Variants in DIS3L2 observed in about 807,000 individuals in gnomAD.
DIS3L2 encodes the protein DIS3 like 3'-5' exoribonuclease 2.
In DIS3L2, 34 loss-of-function variants were observed where a neutral mutation model predicts 97.5. The ratio of observed to expected loss-of-function variants is 0.35; its 90% CI spans 0.27 to 0.46. The LOEUF is 0.46. DIS3L2 is among the 20% of genes least tolerant of loss of function. The pLI is 1.00. For missense variants in DIS3L2, 1,038 were observed against 1,146.0 expected, an observed-to-expected ratio of 0.91 and a Z score of 1.36; for synonymous variants, 435 against 445.2, an observed-to-expected ratio of 0.98 and a Z score of 0.29.
chr2:232,110,415 T>C (rs1185837377), intron 6 of DIS3L2, among the ~76,000 whole-genome samples: 1 of 152,192 alleles, frequency 6.6e-6, no homozygotes, highest in Admixed American at 6.5e-5. Flanking sequence ...GGAGCACTAT[T>C]CACAATAGCA....
At chr2:232,167,922 A>G (rs1294051671) in intron 9 of DIS3L2, among the ~76,000 whole-genome samples, 1 of 152,010 alleles carries the variant, frequency 6.6e-6, no homozygotes, top group Admixed American at 6.6e-5. Flanking sequence ...GGTGGCAGCC[A>G]CCTGTAATCC....
At chr2:232,297,348 AG>A (rs1694747452) in intron 13 of DIS3L2, among the ~76,000 whole-genome samples, 1 of 152,208 alleles carries the variant, frequency 6.6e-6, no homozygotes, top group Non-Finnish European at 1.5e-5. Flanking sequence ...CCAGTGGCTA[AG>A]TCCTCTCTGA....
intron 1 of DIS3L2, among the ~76,000 whole-genome samples, chr2:232,008,680 G>A (rs1040541129): frequency 5.9e-5 from 9 of 152,152 alleles, no homozygotes; most frequent in Non-Finnish European, 8.8e-5. Context: ...CTAGGGTGCT[G>A]GGGAGTTCCC....
At chr2:232,000,085 A>T (rs1693835338) in intron 1 of DIS3L2, among the ~76,000 whole-genome samples, 1 of 152,192 alleles carries the variant, frequency 6.6e-6, no homozygotes, top group Non-Finnish European at 1.5e-5. Context: ...ATGGCAAGAC[A>T]TTTGCATATA....
rs766253642 is a variant in DIS3L2, at chr2:232,048,624, C to T, written c.366+18544C>T. ...GGGTGCGCCTGTAGTCCCAGCTACT[C>T]GGGAGGCTGAGACAGAAGAATGGCG... On this transcript the variant is annotated intron_variant, in intron 5 of 20. Transcript: ENST00000325385. Among the ~76,000 whole-genome samples, 13 of 151,366 alleles carry T rather than the reference C, an allele frequency of 8.6e-5. No individual in the cohort carries two copies. The East Asian group carries it at 9.6e-4, about 11-fold the overall frequency.
intron 14 of DIS3L2, among the ~76,000 whole-genome samples, chr2:232,323,816 G>T (rs1290288447): frequency 6.6e-6 from 1 of 152,080 alleles, no homozygotes; most frequent in Non-Finnish European, 1.5e-5. Context: ...GTGGGTGGGG[G>T]TCCATCAGTC....
intron 14 of DIS3L2, among the ~76,000 whole-genome samples, chr2:232,318,129 C>T (rs1441589161): frequency 2.2e-5 from 3 of 134,042 alleles, no homozygotes; most frequent in African/African-American, 4.0e-5. Context: ...CAGGCCTCCA[C>T]AGAGGCCAGA....
intron 9 of DIS3L2, among the ~76,000 whole-genome samples, chr2:232,182,208 A>G (rs1691303166): frequency 6.6e-6 from 1 of 152,154 alleles, no homozygotes; most frequent in South Asian, 2.1e-4. Context: ...ATTTAGGAGT[A>G]GGTTGTTTAA....
intron 9 of DIS3L2, among the ~76,000 whole-genome samples, chr2:232,166,338 A>ACG (rs199685655): frequency 0.014 from 2,142 of 152,112 alleles, 50 homozygotes; most frequent in African/African-American, 0.044. Flanking sequence ...ACACACACAC[A>ACG]CGCGTGCGCG....
intron 1 of DIS3L2, among the ~76,000 whole-genome samples, chr2:231,992,624 T>G (rs183669371): frequency 6.1e-4 from 93 of 152,264 alleles, no homozygotes; most frequent in South Asian, 1.2e-3. Context: ...TTATCCCCAT[T>G]GCTTCCCCCT....
chr2:232,230,269 C>T lies in DIS3L2; in HGVS notation c.1205-8264C>T, dbSNP rs1692753429. On this transcript the variant is annotated intron_variant, in intron 10 of 20. Transcript: ENST00000325385. ...GTGTGGCCACAAGGTGATCCAAGCCCAATTGAGTCTGTCTCCAAAATTCAG... is the reference window on the plus strand; with the variant it reads ...GTGTGGCCACAAGGTGATCCAAGCCTAATTGAGTCTGTCTCCAAAATTCAG... Among the ~76,000 whole-genome samples the T allele has an allele frequency of 2.0e-5, 3 of 152,164 alleles. No homozygotes were observed. The South Asian group carries it at 6.2e-4, about 32-fold the overall frequency.
At chr2:232,316,008 A>C (rs1241870248) in intron 14 of DIS3L2, among the ~76,000 whole-genome samples, 3 of 152,108 alleles carry the variant, frequency 2.0e-5, no homozygotes, top group African/African-American at 7.2e-5. Context: ...TGGAGAGTAG[A>C]CTGTGATGAA....
chr2:232,111,794 T>G (rs979191125), intron 6 of DIS3L2, among the ~76,000 whole-genome samples: 1 of 152,184 alleles, frequency 6.6e-6, no homozygotes, highest in African/African-American at 2.4e-5. Flanking sequence ...GTAAGTAGTT[T>G]CCTGATGGAT....
chr2:231,970,312 A>G (rs1041345918), intron 1 of DIS3L2, among the ~76,000 whole-genome samples: 4 of 152,146 alleles, frequency 2.6e-5, no homozygotes, highest in African/African-American at 9.7e-5. Flanking sequence ...TTGTTGCCTA[A>G]CAATGGAGAT....
intron 11 of DIS3L2, among the ~76,000 whole-genome samples, chr2:232,240,431 T>C (rs1693049642): frequency 6.6e-6 from 1 of 152,186 alleles, no homozygotes; most frequent in African/African-American, 2.4e-5. Flanking sequence ...AGCTGTGTGA[T>C]CATCAAAACC....
intron 14 of DIS3L2, among the ~76,000 whole-genome samples, chr2:232,324,480 C>T (rs1695521214): frequency 6.6e-6 from 1 of 152,086 alleles, no homozygotes; most frequent in Non-Finnish European, 1.5e-5. Context: ...GACTAATTTT[C>T]AGCTTTGGGC....
chr2:232,163,379 C>T, intron 8 of DIS3L2, 80 bp from the exon 9 acceptor site: 4 of 1,462,088 alleles, frequency 2.7e-6, no homozygotes, highest in Non-Finnish European at 2.8e-6. Context: ...TTTCCCACTA[C>T]TTTACTTTTA....
chr2:232,181,566 A>G (rs1348626588), intron 9 of DIS3L2, among the ~76,000 whole-genome samples: 2 of 151,802 alleles, frequency 1.3e-5, no homozygotes, highest in East Asian at 3.9e-4. Flanking sequence ...CATTCACTTC[A>G]TCTTCCATCG....
chr2:232,082,984 C>A (rs1696448638), intron 5 of DIS3L2, among the ~76,000 whole-genome samples: 1 of 152,124 alleles, frequency 6.6e-6, no homozygotes, highest in African/African-American at 2.4e-5. Context: ...AGGAAGAGGA[C>A]TTGTTCAGGG....
Sources: allele counts gnomAD v4.1 joint callset (sites outside exome capture counted in the v4.1 genomes callset), GRCh38; gene constraint gnomAD v4.1.1; transcripts MANE v1.5; gene names NCBI Gene and HGNC (gene_info 2026-07-23, HGNC 2026-07-21).